The following GPHN variants were observed in gnomAD, a reference collection of about 807,000 sequenced individuals.
The protein encoded by GPHN is gephyrin.
A neutral mutation model predicts 95.5 loss-of-function variants in GPHN; 17 were observed. The observed-to-expected ratio is 0.18, with a 90% CI of 0.12 to 0.27. The LOEUF (loss-of-function observed/expected upper bound fraction) is 0.27. Ranked by LOEUF, GPHN falls within the 10% of genes least tolerant of loss-of-function variation. The pLI, the probability that GPHN is intolerant of heterozygous loss-of-function variation, is 1.00. For missense variants in GPHN, 660 were observed against 978.1 expected (o/e 0.67, Z 4.34); for synonymous variants, 320 against 322.5 (o/e 0.99, Z 0.08).
chr14:67,521,218 C>T, the GPHN span, among the ~76,000 whole-genome samples: 1 of 152,246 alleles, frequency 6.6e-6, no homozygotes, highest in Non-Finnish European at 1.5e-5. Flanking sequence ...CCATAATTTA[C>T]ATTTAGGTAA....
intron 8 of GPHN, among the ~76,000 whole-genome samples, chr14:66,925,806 GT>G (rs2066454673): frequency 6.6e-6 from 1 of 152,134 alleles, no homozygotes; most frequent in Non-Finnish European, 1.5e-5. Flanking sequence ...TCTGTCTTTA[GT>G]TTTTTGAAGA....
chr14:67,672,451 T>TC, the GPHN span, among the ~76,000 whole-genome samples: 2 of 143,788 alleles, frequency 1.4e-5, no homozygotes, highest in Non-Finnish European at 3.0e-5. Context: ...TCTTTTCTTT[T>TC]TTTTTTTTTT....
At chr14:66,599,887 CTTAAT>C (rs947768827) in intron 1 of GPHN, among the ~76,000 whole-genome samples, 4 of 151,894 alleles carry the variant, frequency 2.6e-5, no homozygotes, top group African/African-American at 7.2e-5. Flanking sequence ...AAAAATACCT[CTTAAT>C]TTCTATGTAA....
Position 66,843,992 on chromosome 14 carries a change from T to A in GPHN, c.294+19426T>A, listed in dbSNP as rs1477701885. Among the ~76,000 whole-genome samples, 11 of 152,198 alleles carry A rather than the reference T, an allele frequency of 7.2e-5. No homozygotes were observed. In the East Asian group the frequency reaches 2.1e-3, roughly 29 times the overall value. Reference sequence around the variant, plus strand: ...TTTCCAGGGTTTTATAAGGATAAGTTACTCCTATTAATTTTATCCTTTTTA... The same window carrying A: ...TTTCCAGGGTTTTATAAGGATAAGTAACTCCTATTAATTTTATCCTTTTTA... On this transcript the variant is annotated intron_variant, in intron 4 of 22. Coordinates refer to ENST00000478722, the MANE Select transcript of GPHN (RefSeq NM_020806.5).
chr14:67,159,368 A>G (rs1223593061), intron 18 of GPHN, 47 bp from the exon 19 acceptor site: 2 of 1,023,196 alleles, frequency 2.0e-6, no homozygotes, highest in Non-Finnish European at 3.1e-6. Flanking sequence ...TTGAAAGTCT[A>G]ATATTAAAAT....
intron 2 of GPHN, among the ~76,000 whole-genome samples, chr14:66,686,077 G>A (rs1427756213): frequency 2.6e-5 from 4 of 152,130 alleles, no homozygotes; most frequent in Admixed American, 1.3e-4. Context: ...CATTATTTCT[G>A]AGGGCTCTGT....
intron 9 of GPHN, among the ~76,000 whole-genome samples, chr14:67,004,556 G>T (rs1271916831): frequency 6.6e-6 from 1 of 151,662 alleles, no homozygotes; most frequent in Non-Finnish European, 1.5e-5. Context: ...AATGTCTTTG[G>T]CTTTGAAAAC....
the GPHN span, among the ~76,000 whole-genome samples, chr14:67,551,790 G>A: frequency 8.6e-5 from 13 of 152,018 alleles, no homozygotes; most frequent in African/African-American, 2.9e-4. Context: ...TTGGGAGATC[G>A]AGAATCGCTT....
rs574634645 is a variant in GPHN, at chr14:66,755,610, T to A, written c.144-20854T>A. On this transcript the variant is annotated intron_variant, in intron 2 of 22. Transcript: ENST00000478722. ...TATGATTTATGGTTCTGTAAAATCT[T>A]ACCTCAGTGTGTAGCTAGAATTATT... Among the ~76,000 whole-genome samples the A allele has an allele frequency of 5.9e-5, 9 of 152,278 alleles. No homozygotes were observed. In the South Asian group the frequency reaches 1.2e-3, roughly 21 times the overall value.
the GPHN span, chr14:67,592,597 G>T: frequency 8.4e-7 from 1 of 1,185,662 alleles, no homozygotes; most frequent in Non-Finnish European, 1.3e-6. Context: ...AAAAGGTTGA[G>T]GAGTAATTGG....
chr14:67,383,352 C>T, the GPHN span: 9 of 1,613,266 alleles, frequency 5.6e-6, no homozygotes, highest in African/African-American at 1.3e-5. Context: ...ACTGAACTTG[C>T]GAGGCAGATG....
intron 1 of GPHN, among the ~76,000 whole-genome samples, chr14:66,592,044 C>T (rs9670138): frequency 6.6e-6 from 1 of 152,042 alleles, no homozygotes; most frequent in Non-Finnish European, 1.5e-5. Flanking sequence ...TTGACAAAAG[C>T]AATGGGGAAA....
chr14:67,043,222 C>T (rs1439974910), intron 10 of GPHN, among the ~76,000 whole-genome samples: 8 of 151,772 alleles, frequency 5.3e-5, no homozygotes, highest in African/African-American at 1.5e-4. Flanking sequence ...TATCCTTTAT[C>T]GCTTTCTCTT....
chr14:67,363,218 G>A, the GPHN span, among the ~76,000 whole-genome samples: 5 of 149,192 alleles, frequency 3.4e-5, no homozygotes, highest in East Asian at 6.0e-4. Flanking sequence ...CCCCACCCTC[G>A]AAAAGCCCTG....
the GPHN span, among the ~76,000 whole-genome samples, chr14:67,708,588 A>G: frequency 6.6e-6 from 1 of 152,178 alleles, no homozygotes; most frequent in Admixed American, 6.5e-5. Flanking sequence ...AACAATTATA[A>G]TTATTACTGA....
intron 2 of GPHN, among the ~76,000 whole-genome samples, chr14:66,719,278 G>C (rs942967895): frequency 2.6e-5 from 4 of 152,194 alleles, no homozygotes; most frequent in African/African-American, 9.6e-5. Context: ...GGAATGGCTT[G>C]CTTGTGGACC....
the GPHN span, among the ~76,000 whole-genome samples, chr14:67,251,469 G>A: frequency 4.6e-5 from 7 of 152,202 alleles, no homozygotes; most frequent in African/African-American, 1.7e-4. Flanking sequence ...GGAGGTTGAG[G>A]CTGCAGTGAA....
intron 4 of GPHN, among the ~76,000 whole-genome samples, chr14:66,827,656 G>T (rs150427655): frequency 6.6e-6 from 1 of 151,850 alleles, no homozygotes; most frequent in East Asian, 1.9e-4. Context: ...TTTCTTTTTT[G>T]CATGTAATAC....
intron 1 of GPHN, among the ~76,000 whole-genome samples, chr14:66,560,117 G>A (rs1356321585): frequency 6.6e-6 from 1 of 152,140 alleles, no homozygotes; most frequent in Non-Finnish European, 1.5e-5. Flanking sequence ...TTTGGTACCA[G>A]TACCATGCTG....
Sources: gnomAD v4.1 joint callset for allele counts (sites outside exome capture counted in the v4.1 genomes callset) on GRCh38, gnomAD v4.1.1 for gene constraint, MANE v1.5 for transcripts, NCBI Gene and HGNC (gene_info 2026-07-23, HGNC 2026-07-21) for gene names.